The following OR2C1 variants were observed in gnomAD, a reference collection of about 807,000 sequenced individuals.
OR2C1 encodes the protein olfactory receptor 2C1.
For missense variants in OR2C1, 468 were observed against 388.3 expected, an observed-to-expected ratio of 1.21 and a Z score of -1.73; for synonymous variants, 209 against 167.3, an observed-to-expected ratio of 1.25 and a Z score of -1.92.
chr16:3,340,156 G>C, the OR2C1 span, among the ~76,000 whole-genome samples: 2 of 152,048 alleles, frequency 1.3e-5, no homozygotes, highest in Non-Finnish European at 2.9e-5. Context: ...GCAGGCACCT[G>C]TAATTCCAGC....
At chr16:3,357,700 C>T (rs969561957), downstream of OR2C1, among the ~76,000 whole-genome samples, 1 of 152,042 alleles carries the variant, frequency 6.6e-6, no homozygotes, top group Non-Finnish European at 1.5e-5. Flanking sequence ...TGCAGTATAC[C>T]ACTGGGTGCA....
chr16:3,350,372 T>TTCGG, the OR2C1 span, among the ~76,000 whole-genome samples: 1 of 146,306 alleles, frequency 6.8e-6, no homozygotes, highest in Non-Finnish European at 1.5e-5. Flanking sequence ...AAATTTTTTG[T>TTCGG]TTGGTTGGTT....
chr16:3,333,471 T>G, the OR2C1 span, among the ~76,000 whole-genome samples: 7 of 151,846 alleles, frequency 4.6e-5, no homozygotes, highest in Non-Finnish European at 5.9e-5. Context: ...CAGTAGCTGG[T>G]ACTACAGGCA....
chr16:3,350,376 G>T, the OR2C1 span, among the ~76,000 whole-genome samples: 20,507 of 149,380 alleles, frequency 0.14, 2,159 homozygotes, highest in African/African-American at 0.3. Flanking sequence ...TTTTTGTTTG[G>T]TTGGTTGGTT....
At chr16:3,337,672 T>C in the OR2C1 span, among the ~76,000 whole-genome samples, 2 of 152,162 alleles carry the variant, frequency 1.3e-5, no homozygotes, top group African/African-American at 2.4e-5. Flanking sequence ...TTGATGACCA[T>C]TGAGTTTCCT....
the OR2C1 span, among the ~76,000 whole-genome samples, chr16:3,339,286 T>C: frequency 5.3e-5 from 8 of 152,240 alleles, no homozygotes; most frequent in Admixed American, 3.3e-4. Flanking sequence ...TTTTTTTTTT[T>C]TTTCATCTTT....
At chr16:3,330,375 C>A in the OR2C1 span, among the ~76,000 whole-genome samples, 1 of 152,030 alleles carries the variant, frequency 6.6e-6, no homozygotes, top group East Asian at 1.9e-4. Flanking sequence ...CTCAGCCTCC[C>A]GAAGTGCTGG....
chr16:3,346,119 C>G, the OR2C1 span, among the ~76,000 whole-genome samples: 1 of 152,100 alleles, frequency 6.6e-6, no homozygotes, highest in Admixed American at 6.6e-5. Flanking sequence ...CAGGCCTGAG[C>G]CACTGTGCTC....
At chr16:3,354,458 C>G (rs1751643821), upstream of OR2C1, among the ~76,000 whole-genome samples, 1 of 152,198 alleles carries the variant, frequency 6.6e-6, no homozygotes, top group Non-Finnish European at 1.5e-5. Context: ...CCTTTTCCAC[C>G]TAAACTTATT....
chr16:3,351,226 C>CTTTTTTTTTTTTT (rs146153498), upstream of OR2C1, among the ~76,000 whole-genome samples: 1 of 13,270 alleles, frequency 7.5e-5, no homozygotes, highest in Non-Finnish European at 2.2e-4. Context: ...TTTTCTTTTT[C>CTTTTTTTTTTTTT]TTTTTTTTTT....
At chr16:3,351,226 CT>C (rs146153498), upstream of OR2C1, among the ~76,000 whole-genome samples, 652 of 13,252 alleles carry the variant, frequency 0.049, 24 homozygotes, top group East Asian at 0.41. Flanking sequence ...TTTTCTTTTT[CT>C]TTTTTTTTTT....
At chr16:3,355,404 G>C (rs967182250), upstream of OR2C1, among the ~76,000 whole-genome samples, 18 of 133,132 alleles carry the variant, frequency 1.4e-4, no homozygotes, top group Non-Finnish European at 3.1e-5. Flanking sequence ...GTTGCAATGA[G>C]CCGAGATTGC....
At chr16:3,330,252 G>A in the OR2C1 span, among the ~76,000 whole-genome samples, 5 of 151,674 alleles carry the variant, frequency 3.3e-5, no homozygotes, top group African/African-American at 1.2e-4. Context: ...GACTATAGGC[G>A]CCCGCCACCA....
At chr16:3,354,759 G>T (rs1596414488), upstream of OR2C1, among the ~76,000 whole-genome samples, 1 of 152,130 alleles carries the variant, frequency 6.6e-6, no homozygotes, top group Non-Finnish European at 1.5e-5. Flanking sequence ...CAGAATCTTG[G>T]CTGGGGAAAT....
the OR2C1 span, among the ~76,000 whole-genome samples, chr16:3,333,232 T>TG: frequency 7.3e-6 from 1 of 136,318 alleles, no homozygotes; most frequent in Admixed American, 7.8e-5. Flanking sequence ...TTTTTTTTTT[T>TG]TTTTTTTTTT....
At chr16:3,345,310 C>T in the OR2C1 span, among the ~76,000 whole-genome samples, 1 of 151,796 alleles carries the variant, frequency 6.6e-6, no homozygotes, top group Non-Finnish European at 1.5e-5. Flanking sequence ...TGGTGAAACC[C>T]CGTCTCTACT....
chr16:3,328,294 G>A, the OR2C1 span, among the ~76,000 whole-genome samples: 2 of 152,176 alleles, frequency 1.3e-5, no homozygotes, highest in Non-Finnish European at 2.9e-5. Flanking sequence ...TTTGCAACCA[G>A]AATTCCTCGT....
the OR2C1 span, among the ~76,000 whole-genome samples, chr16:3,336,266 C>T: frequency 2.0e-5 from 3 of 152,044 alleles, no homozygotes; most frequent in South Asian, 2.1e-4. Flanking sequence ...TCATGGTGAA[C>T]GATCTTTTTA....
At chr16:3,337,959 G>T in the OR2C1 span, among the ~76,000 whole-genome samples, 1 of 152,134 alleles carries the variant, frequency 6.6e-6, no homozygotes, top group African/African-American at 2.4e-5. Flanking sequence ...CCCACAAGCT[G>T]CCCCCAACCC....
Sources: gnomAD v4.1 joint callset for allele counts (sites outside exome capture counted in the v4.1 genomes callset) on GRCh38, gnomAD v4.1.1 for gene constraint, MANE v1.5 for transcripts, NCBI Gene and HGNC (gene_info 2026-07-23, HGNC 2026-07-21) for gene names.